The following THRB variants were observed in gnomAD, a reference collection of about 807,000 sequenced individuals.
THRB encodes nuclear receptor subfamily 1 group A member 2.
In THRB, 12 loss-of-function variants were observed where a neutral mutation model predicts 47.8. The observed-to-expected ratio is 0.25, with a 90% CI of 0.16 to 0.41. THRB has a LOEUF of 0.41. THRB is among the 10% of genes least tolerant of loss of function. The pLI is 1.00. For synonymous variants in THRB, 218 were observed against 212.2 expected, an observed-to-expected ratio of 1.03 and a Z score of -0.24; for missense variants, 348 against 589.2, an observed-to-expected ratio of 0.59 and a Z score of 4.24.
At chr3:24,256,099 G>A (rs2051251382) in intron 3 of THRB, among the ~76,000 whole-genome samples, 1 of 152,216 alleles carries the variant, frequency 6.6e-6, no homozygotes, top group Non-Finnish European at 1.5e-5. Flanking sequence ...GCTGGCAAGA[G>A]TCTGTGAGGT....
At chr3:24,146,338 C>G (rs1044959014) in intron 7 of THRB, among the ~76,000 whole-genome samples, 2 of 152,178 alleles carry the variant, frequency 1.3e-5, no homozygotes, top group African/African-American at 4.8e-5. Context: ...TGGACCAGAC[C>G]TCTCATTTGT....
At chr3:24,266,569 C>T (rs1188498451) in intron 3 of THRB, among the ~76,000 whole-genome samples, 2 of 152,126 alleles carry the variant, frequency 1.3e-5, no homozygotes, top group Non-Finnish European at 2.9e-5. Context: ...AGTGAAAGAG[C>T]TGAAGCCCAC....
intron 1 of THRB, among the ~76,000 whole-genome samples, chr3:24,379,412 T>G (rs1487979691): frequency 1.3e-5 from 2 of 152,174 alleles, no homozygotes; most frequent in Non-Finnish European, 2.9e-5. Flanking sequence ...GAACATTGTC[T>G]GACATGGAAA....
At chr3:24,410,004 T>C (rs532514055) in intron 1 of THRB, among the ~76,000 whole-genome samples, 1 of 152,006 alleles carries the variant, frequency 6.6e-6, no homozygotes, top group African/African-American at 2.4e-5. Context: ...ATTTTCTCCA[T>C]AGGCTATGAA....
intron 1 of THRB, among the ~76,000 whole-genome samples, chr3:24,426,719 A>G (rs1277200443): frequency 6.6e-6 from 1 of 151,938 alleles, no homozygotes; most frequent in Non-Finnish European, 1.5e-5. Context: ...TCACAAGAAA[A>G]TTTTTGGTCT....
At chr3:24,418,673 A>T (rs1303962048) in intron 1 of THRB, among the ~76,000 whole-genome samples, 1 of 151,948 alleles carries the variant, frequency 6.6e-6, no homozygotes, top group Non-Finnish European at 1.5e-5. Context: ...GTAAATAAGT[A>T]GGGTGAGGCC....
chr3:24,357,135 G>A (rs2063723481), intron 1 of THRB, among the ~76,000 whole-genome samples: 1 of 150,748 alleles, frequency 6.6e-6, no homozygotes, highest in Non-Finnish European at 1.5e-5. Context: ...TGGTATCCTT[G>A]ACTCAGTTTT....
At chr3:24,371,779 G>A (rs1174504612) in intron 1 of THRB, among the ~76,000 whole-genome samples, 5 of 152,126 alleles carry the variant, frequency 3.3e-5, no homozygotes, top group East Asian at 1.9e-4. Flanking sequence ...CCTTGGAGGC[G>A]TTGAAGGCAT....
At chr3:24,186,944 CAAAAAAAAAAAAA>C (rs71057655) in intron 5 of THRB, among the ~76,000 whole-genome samples, 3 of 77,534 alleles carry the variant, frequency 3.9e-5, no homozygotes, top group Non-Finnish European at 7.3e-5. Flanking sequence ...GACTCCATTT[CAAAAAAAAAAAAA>C]AAAAAAAAAA....
intron 1 of THRB, among the ~76,000 whole-genome samples, chr3:24,440,226 C>G (rs951329862): frequency 6.6e-6 from 1 of 152,138 alleles, no homozygotes; most frequent in Non-Finnish European, 1.5e-5. Context: ...TTGAAATGGT[C>G]TCTCCAGGTA....
intron 5 of THRB, among the ~76,000 whole-genome samples, chr3:24,160,416 A>T (rs2038621084): frequency 6.6e-6 from 1 of 152,152 alleles, no homozygotes. Flanking sequence ...TAAGCAAGAG[A>T]GGGTGAACCT....
At chr3:24,392,241 G>A (rs2066631998) in intron 1 of THRB, among the ~76,000 whole-genome samples, 2 of 152,012 alleles carry the variant, frequency 1.3e-5, no homozygotes, top group South Asian at 2.1e-4. Flanking sequence ...AGGTTTTATC[G>A]AGAATTCTGT....
intron 1 of THRB, among the ~76,000 whole-genome samples, chr3:24,416,474 G>A (rs1012291936): frequency 2.0e-5 from 3 of 151,852 alleles, no homozygotes; most frequent in Non-Finnish European, 4.4e-5. Flanking sequence ...GGATTAAAAA[G>A]GAGGAACAAG....
chr3:24,130,197 C>T (rs913186476), intron 9 of THRB, among the ~76,000 whole-genome samples: 5 of 152,140 alleles, frequency 3.3e-5, no homozygotes, highest in South Asian at 4.1e-4. Flanking sequence ...GCAGACCACA[C>T]GATATCAGGG....
intron 1 of THRB, among the ~76,000 whole-genome samples, chr3:24,466,732 G>A (rs2125711472): frequency 6.6e-6 from 1 of 152,246 alleles, no homozygotes; most frequent in South Asian, 2.1e-4. Flanking sequence ...TAAAAATAAT[G>A]TATATACCTT....
chr3:24,352,335 G>A (rs1375514235), intron 1 of THRB, among the ~76,000 whole-genome samples: 4 of 152,070 alleles, frequency 2.6e-5, no homozygotes, highest in Non-Finnish European at 5.9e-5. Context: ...CCAAAGAAAC[G>A]AAAACATGTT....
intron 1 of THRB, among the ~76,000 whole-genome samples, chr3:24,341,663 C>T (rs62255382): frequency 0.19 from 28,997 of 152,024 alleles, 3,094 homozygotes; most frequent in Admixed American, 0.33. Flanking sequence ...GTCTATTCTC[C>T]TGTGCTTTTT....
At chr3:24,170,916 A>G (rs939566775) in intron 5 of THRB, among the ~76,000 whole-genome samples, 1 of 152,102 alleles carries the variant, frequency 6.6e-6, no homozygotes, top group African/African-American at 2.4e-5. Context: ...CTTAGGCTTG[A>G]AAGTTTCTGG....
chr3:24,412,347 A>G (rs1206644975), intron 1 of THRB, among the ~76,000 whole-genome samples: 1 of 151,856 alleles, frequency 6.6e-6, no homozygotes, highest in African/African-American at 2.4e-5. Flanking sequence ...ATGTCTTCCA[A>G]ATAAACCCCA....
Sources: allele counts gnomAD v4.1 joint callset (sites outside exome capture counted in the v4.1 genomes callset), GRCh38; gene constraint gnomAD v4.1.1; transcripts MANE v1.5; gene names NCBI Gene and HGNC (gene_info 2026-07-23, HGNC 2026-07-21).